Variants in BAZ2B observed in about 807,000 individuals in gnomAD.
BAZ2B encodes bromodomain adjacent to zinc finger domain protein 2B.
Under a neutral mutation model 246.0 loss-of-function variants are expected in BAZ2B, and 91 were observed. That is an observed-to-expected ratio of 0.37 (90% CI 0.31 to 0.44). The LOEUF (loss-of-function observed/expected upper bound fraction) is 0.44. BAZ2B is among the 20% of genes least tolerant of loss of function. The pLI is 1.00. For synonymous variants in BAZ2B, 855 were observed against 860.0 expected, an observed-to-expected ratio of 0.99 and a Z score of 0.10; for missense variants, 2,332 against 2,533.7, an observed-to-expected ratio of 0.92 and a Z score of 1.71.
At chr2:159,373,929 G>A (rs540458041) in intron 26 of BAZ2B, among the ~76,000 whole-genome samples, 1 of 152,112 alleles carries the variant, frequency 6.6e-6, no homozygotes, top group African/African-American at 2.4e-5. Context: ...ATATAATTAA[G>A]TTTTGGGATA....
intron 2 of BAZ2B, among the ~76,000 whole-genome samples, chr2:159,526,591 G>C (rs1235821698): frequency 6.6e-6 from 1 of 152,072 alleles, no homozygotes; most frequent in Non-Finnish European, 1.5e-5. Flanking sequence ...ACACTTGAGG[G>C]AAGTGAAGGT....
At chr2:159,532,244 G>T (rs1244289624) in intron 2 of BAZ2B, among the ~76,000 whole-genome samples, 4 of 151,994 alleles carry the variant, frequency 2.6e-5, no homozygotes, top group East Asian at 3.9e-4. Context: ...TAAAACCAGA[G>T]AATTTTTCAA....
At chr2:159,671,807 T>C in the BAZ2B span, among the ~76,000 whole-genome samples, 4 of 152,186 alleles carry the variant, frequency 2.6e-5, no homozygotes, top group Non-Finnish European at 4.4e-5. Flanking sequence ...CCACTTCTCA[T>C]GGATATATAA....
chr2:159,439,808 T>C (rs554831007), intron 6 of BAZ2B, among the ~76,000 whole-genome samples: 1 of 152,246 alleles, frequency 6.6e-6, no homozygotes, highest in Non-Finnish European at 1.5e-5. Context: ...CTGCTTTAGT[T>C]AGGGTCAAGG....
At chr2:159,671,859 C>T in the BAZ2B span, among the ~76,000 whole-genome samples, 1 of 152,148 alleles carries the variant, frequency 6.6e-6, no homozygotes, top group African/African-American at 2.4e-5. Flanking sequence ...AACAACTAAT[C>T]CTAACTGTAT....
rs553000637 is a variant in BAZ2B, at chr2:159,551,276, T to A, written c.-3+4547A>T. ...CGAAGTCAGGAGATCAAAACCATCC[T>A]GGCTAACATGGTGAAACCCCGTCTC... On this transcript the variant is annotated intron_variant, in intron 2 of 36. Transcript: ENST00000392783. Among the ~76,000 whole-genome samples, 33 of 152,228 alleles carry A rather than the reference T, an allele frequency of 2.2e-4. No homozygotes were observed. In the South Asian group the frequency reaches 5.2e-3, roughly 24 times the overall value.
intron 2 of BAZ2B, among the ~76,000 whole-genome samples, chr2:159,510,975 T>G (rs143012547): frequency 6.6e-6 from 1 of 152,338 alleles, no homozygotes; most frequent in East Asian, 1.9e-4. Context: ...CTAGACTGGT[T>G]GCTCAAATTA....
chr2:159,635,134 T>G, the BAZ2B span, among the ~76,000 whole-genome samples: 50 of 152,284 alleles, frequency 3.3e-4, no homozygotes, highest in Non-Finnish European at 5.9e-4. Context: ...GATTCAGCTG[T>G]TTGAGATTTT....
At chr2:159,379,415 T>C (rs2061737678) in intron 25 of BAZ2B, among the ~76,000 whole-genome samples, 1 of 152,190 alleles carries the variant, frequency 6.6e-6, no homozygotes, top group Non-Finnish European at 1.5e-5. Context: ...AAAGCTGTTG[T>C]ACAACCTCAT....
intron 33 of BAZ2B, among the ~76,000 whole-genome samples, chr2:159,335,600 G>A (rs914134620): frequency 6.6e-6 from 1 of 151,456 alleles, no homozygotes; most frequent in African/African-American, 2.4e-5. Context: ...GAAAGACCCT[G>A]TATTCCAGCA....
intron 2 of BAZ2B, among the ~76,000 whole-genome samples, chr2:159,507,261 T>C (rs2082428284): frequency 6.6e-6 from 1 of 151,922 alleles, no homozygotes; most frequent in African/African-American, 2.4e-5. Flanking sequence ...TAAAGAGAAG[T>C]ACAAAACTTG....
chr2:159,516,320 C>T (rs1475640102), intron 2 of BAZ2B: 1 of 152,008 alleles, frequency 6.6e-6, no homozygotes, highest in Non-Finnish European at 1.5e-5. Context: ...ATTATCCTTT[C>T]GATTCAGAGC....
chr2:159,325,963 T>C, intron 34 of BAZ2B, 45 bp from the exon 35 acceptor site: 1 of 1,439,638 alleles, frequency 6.9e-7, no homozygotes, highest in Non-Finnish European at 9.3e-7. Flanking sequence ...AAAGTGACTG[T>C]CTACAGACCT....
the BAZ2B span, among the ~76,000 whole-genome samples, chr2:159,662,063 T>G: frequency 1.3e-5 from 2 of 152,246 alleles, no homozygotes; most frequent in Non-Finnish European, 2.9e-5. Context: ...GATTTACCTA[T>G]TCTGGATATT....
intron 1 of BAZ2B, among the ~76,000 whole-genome samples, chr2:159,580,391 A>G (rs944818647): frequency 6.6e-6 from 1 of 152,182 alleles, no homozygotes; most frequent in East Asian, 1.9e-4. Flanking sequence ...GAGAACTACA[A>G]ACCACGGCTC....
At chr2:159,574,148 C>T (rs201858243) in intron 1 of BAZ2B, among the ~76,000 whole-genome samples, 9,423 of 60,592 alleles carry the variant, frequency 0.16, 383 homozygotes, top group East Asian at 0.46. Flanking sequence ...CACATACACA[C>T]ACACACACAC....
At chr2:159,666,729 C>T in the BAZ2B span, among the ~76,000 whole-genome samples, 1 of 152,104 alleles carries the variant, frequency 6.6e-6, no homozygotes, top group African/African-American at 2.4e-5. Flanking sequence ...GTGGCACATG[C>T]CTATAATCCC....
At chr2:159,348,892 T>C (rs1575879923) in intron 29 of BAZ2B, 59 bp from the exon 30 acceptor site, 2 of 1,548,654 alleles carry the variant, frequency 1.3e-6, no homozygotes, top group East Asian at 2.3e-5. Context: ...AATGACACCA[T>C]GGAAATAAAA....
intron 2 of BAZ2B, among the ~76,000 whole-genome samples, chr2:159,489,911 A>C (rs889571695): frequency 6.6e-6 from 1 of 152,152 alleles, no homozygotes; most frequent in Non-Finnish European, 1.5e-5. Context: ...ACCCTGTCTC[A>C]AAAAAGTTAG....
Sources: gnomAD v4.1 joint callset for allele counts (sites outside exome capture counted in the v4.1 genomes callset) on GRCh38, gnomAD v4.1.1 for gene constraint, MANE v1.5 for transcripts, NCBI Gene and HGNC (gene_info 2026-07-23, HGNC 2026-07-21) for gene names.